The following NPSR1 variants were observed in gnomAD, a reference collection of about 807,000 sequenced individuals.
NPSR1 encodes the protein neuropeptide S receptor 1, also known as neuropeptide S receptor.
In NPSR1, 48 loss-of-function variants were observed where a neutral mutation model predicts 46.9. The ratio of observed to expected loss-of-function variants is 1.02; its 90% CI spans 0.81 to 1.30. The LOEUF (loss-of-function observed/expected upper bound fraction) is 1.30, where lower values mean the gene tolerates loss of function less well. Ranked by LOEUF, NPSR1 falls within the 50% of genes most tolerant of loss-of-function variation. The pLI is 0.00. For synonymous variants in NPSR1, 176 were observed against 168.1 expected (o/e 1.05, Z -0.36); for missense variants, 450 against 449.5 (o/e 1.00, Z -0.01).
chr7:34,694,362 T>C (rs1793410463), intron 2 of NPSR1, among the ~76,000 whole-genome samples: 1 of 152,166 alleles, frequency 6.6e-6, no homozygotes, highest in African/African-American at 2.4e-5. Context: ...ACACCAGTAG[T>C]CTTCAGGCTG....
chr7:34,871,226 AAGAG>A (rs1791445506), intron 8 of NPSR1, among the ~76,000 whole-genome samples: 1 of 151,634 alleles, frequency 6.6e-6, no homozygotes, highest in Non-Finnish European at 1.5e-5. Flanking sequence ...GTCACATGGC[AAGAG>A]AGAGAGGGAG....
intron 3 of NPSR1, 68 bp from the exon 4 acceptor site, chr7:34,811,702 A>G (rs968429605): frequency 9.3e-7 from 1 of 1,076,698 alleles, no homozygotes; most frequent in Admixed American, 2.1e-5. Context: ...ACAAGGTGCT[A>G]TTCTTTCCAT....
At chr7:34,737,669 T>C (rs1230546628) in intron 2 of NPSR1, among the ~76,000 whole-genome samples, 3 of 152,220 alleles carry the variant, frequency 2.0e-5, no homozygotes, top group Non-Finnish European at 4.4e-5. Context: ...CACCAAACTC[T>C]CCTGGTCTGC....
chr7:34,853,793 C>T (rs1790992581), downstream of NPSR1, among the ~76,000 whole-genome samples: 1 of 152,020 alleles, frequency 6.6e-6, no homozygotes, highest in South Asian at 2.1e-4. Context: ...GGTGAAAACC[C>T]GTCTGTACTA....
rs1289931744 is a variant in NPSR1, at chr7:34,873,826, C to T, written c.1026-4250C>T. Among the ~76,000 whole-genome samples, 4 of 151,718 alleles carry T rather than the reference C, an allele frequency of 2.6e-5. No individual in the cohort carries two copies. In the East Asian group the frequency reaches 7.8e-4, roughly 30 times the overall value. ...GGTGGGGCAAGCCAGGAACAGGCTT[C>T]AGAAACAGCCTAGGCAGGAGGCAGG... On this transcript the variant is annotated intron_variant, in intron 8 of 8. Coordinates refer to the NPSR1 transcript ENST00000359791.
chr7:34,722,991 C>T (rs576768850), intron 2 of NPSR1, among the ~76,000 whole-genome samples: 1 of 152,110 alleles, frequency 6.6e-6, no homozygotes, highest in South Asian at 2.1e-4. Context: ...GTGGCCTTTC[C>T]CAGCCAAATT....
At chr7:34,662,924 C>T (rs1367801351) in intron 1 of NPSR1, among the ~76,000 whole-genome samples, 1 of 152,156 alleles carries the variant, frequency 6.6e-6, no homozygotes, top group Non-Finnish European at 1.5e-5. Context: ...GAAGCATAAT[C>T]TTAGCTAATT....
At chr7:34,844,103 C>T (rs909612039) in intron 6 of NPSR1, among the ~76,000 whole-genome samples, 1 of 152,238 alleles carries the variant, frequency 6.6e-6, no homozygotes, top group African/African-American at 2.4e-5. Context: ...CCACATCTGA[C>T]ATTTTTATCC....
intron 2 of NPSR1, among the ~76,000 whole-genome samples, chr7:34,762,674 T>G (rs1006488383): frequency 2.0e-5 from 3 of 152,212 alleles, no homozygotes; most frequent in Non-Finnish European, 4.4e-5. Flanking sequence ...TGAGTTGAGC[T>G]GGAAGCATTG....
chr7:34,705,470 T>C (rs1385842238), intron 2 of NPSR1, among the ~76,000 whole-genome samples: 2 of 151,614 alleles, frequency 1.3e-5, no homozygotes, highest in Non-Finnish European at 2.9e-5. Flanking sequence ...AAGAAAAGCC[T>C]TTCACACTTT....
At chr7:34,734,287 C>T (rs948941490) in intron 2 of NPSR1, among the ~76,000 whole-genome samples, 1 of 151,998 alleles carries the variant, frequency 6.6e-6, no homozygotes, top group Non-Finnish European at 1.5e-5. Context: ...TTTTAAAGGT[C>T]CCCAGATAGT....
intron 4 of NPSR1, among the ~76,000 whole-genome samples, chr7:34,818,393 A>G (rs1024590023): frequency 6.6e-6 from 1 of 152,190 alleles, no homozygotes; most frequent in African/African-American, 2.4e-5. Flanking sequence ...GGAGAACTAC[A>G]AACCACTGCG....
At chr7:34,787,825 A>T (rs1416022417) in intron 3 of NPSR1, among the ~76,000 whole-genome samples, 1 of 152,108 alleles carries the variant, frequency 6.6e-6, no homozygotes, top group Non-Finnish European at 1.5e-5. Flanking sequence ...TGTGATTTAC[A>T]GCACCACAAA....
chr7:34,858,696 A>T (rs1791111680), intron 8 of NPSR1, among the ~76,000 whole-genome samples: 1 of 151,798 alleles, frequency 6.6e-6, no homozygotes, highest in Non-Finnish European at 1.5e-5. Context: ...GCAGTCAAAG[A>T]GCAAGCTTAT....
intron 8 of NPSR1, among the ~76,000 whole-genome samples, chr7:34,872,962 C>T (rs981389373): frequency 6.7e-6 from 1 of 150,256 alleles, no homozygotes; most frequent in African/African-American, 2.5e-5. Flanking sequence ...CACATATAAA[C>T]ACTGGCTGTT....
intron 8 of NPSR1, among the ~76,000 whole-genome samples, chr7:34,872,414 A>G (rs2128770502): frequency 6.6e-6 from 1 of 152,052 alleles, no homozygotes; most frequent in South Asian, 2.1e-4. Flanking sequence ...TCTCTCAGGT[A>G]TTAACAATTG....
intron 8 of NPSR1, among the ~76,000 whole-genome samples, chr7:34,868,581 G>A (rs897623425): frequency 2.0e-5 from 3 of 151,638 alleles, no homozygotes; most frequent in African/African-American, 7.3e-5. Flanking sequence ...GACATGTCAG[G>A]GTGAACTTGC....
At chr7:34,847,600 G>A (rs969723083) in intron 7 of NPSR1, among the ~76,000 whole-genome samples, 5 of 152,168 alleles carry the variant, frequency 3.3e-5, no homozygotes, top group African/African-American at 4.8e-5. Context: ...TGTGAAGGCA[G>A]GAGAAGACCA....
chr7:34,840,396 C>T (rs561370749), intron 6 of NPSR1, among the ~76,000 whole-genome samples: 8 of 152,228 alleles, frequency 5.3e-5, no homozygotes, highest in South Asian at 2.1e-4. Flanking sequence ...GGGAGGAAAA[C>T]GCTGTGTGGT....
Sources: allele counts gnomAD v4.1 joint callset (sites outside exome capture counted in the v4.1 genomes callset), GRCh38; gene constraint gnomAD v4.1.1; transcripts MANE v1.5; gene names NCBI Gene and HGNC (gene_info 2026-07-23, HGNC 2026-07-21).